PTPRD: variants seen among roughly 807,000 people sequenced by gnomAD.
The protein encoded by PTPRD is protein tyrosine phosphatase receptor type D.
Under a neutral mutation model 214.5 loss-of-function variants are expected in PTPRD, and 34 were observed. The ratio of observed to expected loss-of-function variants is 0.16; its 90% confidence interval spans 0.12 to 0.21. The LOEUF (loss-of-function observed/expected upper bound fraction) is 0.21. Among genes scored for constraint, PTPRD ranks in the 10% least tolerant of loss-of-function variants. The probability of loss-of-function intolerance (pLI) is 1.00; values close to 1 mark genes in which losing one functional copy is unlikely to be tolerated. For synonymous variants in PTPRD, 1,128 were observed against 845.7 expected (o/e 1.33, Z -5.79); for missense variants, 2,545 against 2,398.7 (o/e 1.06, Z -1.27).
chr9:8,913,712 T>C (rs2098764361), intron 11 of PTPRD, among the ~76,000 whole-genome samples: 1 of 152,100 alleles, frequency 6.6e-6, no homozygotes, highest in Admixed American at 6.6e-5. Context: ...GTCTTCCAAA[T>C]GAAGAGTGAC....
chr9:9,456,639 T>A lies in PTPRD; in HGVS notation c.-236-59157A>T, dbSNP rs186732211. Among the ~76,000 whole-genome samples the A allele has an allele frequency of 3.4e-4, 51 of 152,050 alleles. No individual in the cohort carries two copies. In the East Asian group the frequency reaches 7.6e-3, roughly 23 times the overall value. On this transcript the variant is annotated intron_variant, in intron 8 of 45. Coordinates refer to ENST00000381196, the MANE Select transcript of PTPRD (RefSeq NM_002839.4). Reference sequence around the variant, plus strand: ...AAACTTTAATAAGTAATAACTAATGTTTATGGAGTGCTTATTATGAGCTAT... The same window carrying A: ...AAACTTTAATAAGTAATAACTAATGATTATGGAGTGCTTATTATGAGCTAT...
chr9:10,585,697 AATAGTATACATACACAC>A (rs137863474), intron 2 of PTPRD, among the ~76,000 whole-genome samples: 27,406 of 151,930 alleles, frequency 0.18, 3,049 homozygotes, highest in East Asian at 0.53. Flanking sequence ...GCATTAGAGA[AATAGTATACATACACAC>A]ACACATACAC....
In PTPRD at chr9:9,798,546, T is replaced by C. The variant is rs534735963; in HGVS notation, c.-367-31695A>G. 3.9e-5 allele frequency among the ~76,000 whole-genome samples: 6 copies of C among 152,332 alleles called. No homozygotes were observed. The East Asian group carries it at 5.8e-4, about 15-fold the overall frequency. ...AGGGACTTCTCAGACAAGAATCTTA[T>C]GACCCATTTCATGGGAGAAGGTCAG... On this transcript the variant is annotated intron_variant, in intron 5 of 45. Coordinates refer to ENST00000381196, the MANE Select transcript of PTPRD (RefSeq NM_002839.4).
intron 3 of PTPRD, among the ~76,000 whole-genome samples, chr9:10,289,636 C>T (rs537277038): frequency 9.9e-5 from 15 of 152,190 alleles, no homozygotes; most frequent in African/African-American, 2.9e-4. Context: ...AAGAAAATGA[C>T]TTCTAATATC....
chr9:10,100,140 C>T (rs762427869), intron 3 of PTPRD, among the ~76,000 whole-genome samples: 114 of 151,674 alleles, frequency 7.5e-4, no homozygotes, highest in Middle Eastern at 3.4e-3. Flanking sequence ...AGTATTATTT[C>T]TTAGTTTAGA....
chr9:9,598,139 C>T (rs184310073), intron 7 of PTPRD, among the ~76,000 whole-genome samples: 11 of 151,970 alleles, frequency 7.2e-5, no homozygotes, highest in Admixed American at 2.6e-4. Flanking sequence ...AAGAGACTCA[C>T]GACTAGAGGC....
At chr9:10,008,448 T>C (rs2096532975) in intron 4 of PTPRD, among the ~76,000 whole-genome samples, 1 of 152,002 alleles carries the variant, frequency 6.6e-6, no homozygotes, top group South Asian at 2.1e-4. Flanking sequence ...TTTTGACATA[T>C]AGAGCCTAAT....
chr9:8,991,644 A>T (rs1416352506), intron 11 of PTPRD, among the ~76,000 whole-genome samples: 2 of 152,042 alleles, frequency 1.3e-5, no homozygotes, highest in African/African-American at 4.8e-5. Context: ...ATTTTCCTTA[A>T]TTTTTTTCTA....
intron 4 of PTPRD, among the ~76,000 whole-genome samples, chr9:9,989,001 C>A (rs2095814981): frequency 1.0e-5 from 1 of 99,760 alleles, no homozygotes; most frequent in Non-Finnish European, 1.8e-5. Flanking sequence ...CAGAAGAGCC[C>A]TTAGTTTCAC....
chr9:9,955,948 T>C (rs1004611267), intron 4 of PTPRD, among the ~76,000 whole-genome samples: 1 of 152,206 alleles, frequency 6.6e-6, no homozygotes, highest in African/African-American at 2.4e-5. Flanking sequence ...TCAAGCCATT[T>C]TTAAATTATA....
At chr9:10,093,403 T>A (rs72694844) in intron 3 of PTPRD, among the ~76,000 whole-genome samples, 7,992 of 151,470 alleles carry the variant, frequency 0.053, 268 homozygotes, top group Admixed American at 0.1. Context: ...GACAGTTTCT[T>A]ATACTACCAG....
At chr9:8,501,639 T>C (rs1029186284) in intron 23 of PTPRD, among the ~76,000 whole-genome samples, 2 of 152,198 alleles carry the variant, frequency 1.3e-5, no homozygotes, top group Admixed American at 6.5e-5. Flanking sequence ...GTTCACTCTA[T>C]CTGAAAAACT....
chr9:10,380,714 A>C (rs571394721), intron 2 of PTPRD, among the ~76,000 whole-genome samples: 1 of 152,166 alleles, frequency 6.6e-6, no homozygotes, highest in South Asian at 2.1e-4. Context: ...TTGTAAATTG[A>C]AATATGAACA....
intron 2 of PTPRD, among the ~76,000 whole-genome samples, chr9:10,459,813 T>C (rs1006323709): frequency 6.6e-6 from 1 of 152,032 alleles, no homozygotes; most frequent in African/African-American, 2.4e-5. Flanking sequence ...CTTTGTCAGA[T>C]GGATAGATTG....
chr9:10,462,698 G>A (rs1305911686), intron 2 of PTPRD, among the ~76,000 whole-genome samples: 2 of 150,010 alleles, frequency 1.3e-5, no homozygotes, highest in African/African-American at 4.9e-5. Flanking sequence ...TGAGAAGGAA[G>A]TAAGATATCT....
chr9:10,343,150 C>A (rs537526191), intron 2 of PTPRD, among the ~76,000 whole-genome samples: 53 of 152,106 alleles, frequency 3.5e-4, no homozygotes, highest in Non-Finnish European at 6.2e-4. Context: ...CTGACAGGCC[C>A]TGTTGTGTGA....
intron 14 of PTPRD, among the ~76,000 whole-genome samples, chr9:8,608,574 C>G (rs946742468): frequency 4.6e-5 from 7 of 151,580 alleles, no homozygotes; most frequent in African/African-American, 1.7e-4. Context: ...TGGCTTGACC[C>G]ATCCCCTGCT....
chr9:9,816,628 C>G (rs1322034242), intron 5 of PTPRD, among the ~76,000 whole-genome samples: 1 of 151,932 alleles, frequency 6.6e-6, no homozygotes, highest in Non-Finnish European at 1.5e-5. Flanking sequence ...GCCTTATGAG[C>G]TTAAAAAAGA....
chr9:8,400,860 C>T (rs73420430), intron 36 of PTPRD, among the ~76,000 whole-genome samples: 29 of 152,136 alleles, frequency 1.9e-4, no homozygotes, highest in South Asian at 4.2e-4. Context: ...AATAAAACAA[C>T]GGATAAGGAA....
Sources: gnomAD v4.1 joint callset for allele counts (sites outside exome capture counted in the v4.1 genomes callset) on GRCh38, gnomAD v4.1.1 for gene constraint, MANE v1.5 for transcripts, NCBI Gene and HGNC (gene_info 2026-07-23, HGNC 2026-07-21) for gene names.